The following DDX41 variants were observed in gnomAD, a reference collection of about 807,000 sequenced individuals.
DDX41 encodes the protein DEAD-box helicase 41, also known as probable ATP-dependent RNA helicase DDX41.
Under a neutral mutation model 78.8 loss-of-function variants are expected in DDX41, and 50 were observed. That is an observed-to-expected ratio of 0.63 (90% confidence interval 0.51 to 0.80). The LOEUF is 0.80. DDX41 is among the 30% of genes least tolerant of loss of function. DDX41 has a pLI of 0.00. For missense variants in DDX41, 633 were observed against 849.2 expected (o/e 0.75, Z 3.16); for synonymous variants, 381 against 321.5 (o/e 1.19, Z -1.98).
Position 177,511,691 on chromosome 5 carries a change from T to G in DDX41, c.*100A>C. 45 of 1,521,590 alleles carry G rather than the reference T, an allele frequency of 3.0e-5. No individual in the cohort carries two copies. Among genetic ancestry groups the G allele is most frequent in the Non-Finnish European group, 3.6e-5 (40 of 1,112,232 alleles). 94.3% of individuals were successfully genotyped at this position (1,521,590 alleles called of 1,614,324 possible). Reference sequence around the variant, plus strand: ...CCAGCCTGGCCCATCCCAGGCCAGCTGAGCTGAAATGCTGATTCTGTCCAG... The same window carrying G: ...CCAGCCTGGCCCATCCCAGGCCAGCGGAGCTGAAATGCTGATTCTGTCCAG... On this transcript the variant is annotated 3_prime_UTR_variant, in exon 17 of 17. Coordinates refer to ENST00000330503, the MANE Select transcript of DDX41 (RefSeq NM_016222.4).
Position 177,512,876 on chromosome 5 carries a change from C to T in DDX41, c.1303G>A (p.Val435Ile), listed in dbSNP as rs1458994357. ...GCCTTCTTCTCTGCAAAGATGAGTA[C>T]CTGTCCGGAAAGACCAACTCCAGTC... is the stretch of plus-strand genomic sequence containing the variant. ...LECLQKTPPP[V>I]LIFAEKKADV... The change falls in exon 13 of 17, where the codon GTA becomes ATA. Residue 435 changes from valine to isoleucine, a missense_variant and splice_region_variant. By Grantham distance (29) the Val-to-Ile change is conservative. Coordinates refer to ENST00000330503, the MANE Select transcript of DDX41 (RefSeq NM_016222.4). 3.1e-6 allele frequency: 5 copies of T among 1,613,844 alleles called. No individual in the cohort carries two copies. Among genetic ancestry groups the T allele is most frequent in the Non-Finnish European group, 4.2e-6 (5 of 1,179,948 alleles).
chr5:177,516,061 C>T (rs371305386), intron 4 of DDX41, 58 bp downstream of exon 4: 388 of 1,613,880 alleles, frequency 2.4e-4, no homozygotes, highest in Non-Finnish European at 3.2e-4. Flanking sequence ...TATAACATGC[C>T]TGGGGCTGGG....
intron 14 of DDX41, 43 bp from the exon 15 acceptor site, chr5:177,512,436 T>C (rs756108364): frequency 2.1e-5 from 34 of 1,613,950 alleles, no homozygotes; most frequent in Non-Finnish European, 2.8e-5. Context: ...CGCTGGACAC[T>C]AGGGGCCTGG....
chr5:177,513,611 A>G lies in DDX41; in HGVS notation c.1098+74T>C, dbSNP rs1761083849. 1 of 1,603,294 alleles carries G rather than the reference A, an allele frequency of 6.2e-7. No homozygotes were observed. Among genetic ancestry groups the G allele is most frequent in the Non-Finnish European group, 8.5e-7 (1 of 1,172,398 alleles). On this transcript the variant is annotated intron_variant, in intron 10 of 16. Transcript: ENST00000330503. The surrounding 1 kb of genome is among the most constrained non-coding windows in gnomAD (Gnocchi z 4.6). ...GCAGTGGGTTGGGGTGGCCAGGGGC[A>G]TGGGGTCCCTGCAGTCTGATGTGGC...
In DDX41 at chr5:177,513,607, GGGCAT is replaced by G; in HGVS notation, c.1098+73_1098+77del. On this transcript the variant is annotated intron_variant, in intron 10 of 16. Coordinates refer to ENST00000330503, the MANE Select transcript of DDX41 (RefSeq NM_016222.4). This position sits in a 1 kb window ranked among gnomAD's most constrained non-coding sequence, Gnocchi z 4.6. ...ATGAGCAGTGGGTTGGGGTGGCCAG[GGGCAT>G]GGGGTCCCTGCAGTCTGATGTGGCG... The G allele has an allele frequency of 6.2e-7, 1 of 1,604,222 alleles. No homozygotes were observed. The highest frequency in any genetic ancestry group is 8.5e-7 in the Non-Finnish European group (1 of 1,173,126).
In DDX41 at chr5:177,512,410, A is replaced by G. The variant is rs1160225071; in HGVS notation, c.1550-17T>C. On this transcript the variant is annotated splice_polypyrimidine_tract_variant and intron_variant, in intron 14 of 16. Coordinates refer to ENST00000330503, the MANE Select transcript of DDX41 (RefSeq NM_016222.4). ...TCCGGTGTACTGCAGAGAGAAGGAC[A>G]GAGTCTCTGGCCCATCGCTGGACAC... The G allele has an allele frequency of 6.2e-7, 1 of 1,614,084 alleles. No homozygotes were observed. The highest frequency in any genetic ancestry group is 8.5e-7 in the Non-Finnish European group (1 of 1,180,002).
At position 177,512,648 on chromosome 5, in the gene DDX41, G is replaced by GGGGA; in HGVS notation, c.1400-7_1400-4dup. 1 of 1,613,968 alleles carries GGGGA rather than the reference G, an allele frequency of 6.2e-7. No homozygotes were observed. Among genetic ancestry groups the GGGGA allele is most frequent in the Non-Finnish European group, 8.5e-7 (1 of 1,180,006 alleles). The stretch of plus-strand genomic sequence containing the variant: ...GGCCTTAGTCCGTTCCTCCTGGTCT[G>GGGGA]GGGAGGGTCAGGCAGACACTGTCAG... On this transcript the variant is annotated splice_polypyrimidine_tract_variant and splice_region_variant and intron_variant, in intron 13 of 16. Coordinates refer to ENST00000330503, the MANE Select transcript of DDX41 (RefSeq NM_016222.4).
At chr5:177,515,648 T>C in intron 6 of DDX41, 37 bp downstream of exon 6, 1 of 1,610,196 alleles carries the variant, frequency 6.2e-7, no homozygotes, top group Non-Finnish European at 8.5e-7. Context: ...GGCATTTGAT[T>C]ATAAAAGTGT....
In DDX41 at chr5:177,516,708, G is replaced by A. The variant is rs765095566; in HGVS notation, c.138+17C>T. Reference sequence around the variant, plus strand: ...CGCGGTCACGGCCCCATCCCTCCCCGGACGCGTGCCCCTCACCAGTAGCTG... The same window carrying A: ...CGCGGTCACGGCCCCATCCCTCCCCAGACGCGTGCCCCTCACCAGTAGCTG... On this transcript the variant is annotated intron_variant, in intron 2 of 16. Coordinates refer to ENST00000330503, the MANE Select transcript of DDX41 (RefSeq NM_016222.4). 69 of 1,572,980 alleles carry A rather than the reference G, an allele frequency of 4.4e-5. No homozygotes were observed. The highest frequency in any genetic ancestry group is 3.7e-4 in the Middle Eastern group (2 of 5,398).
intron 6 of DDX41, 32 bp from the exon 7 acceptor site, chr5:177,515,290 C>T: frequency 1.1e-5 from 17 of 1,611,372 alleles, no homozygotes; most frequent in Non-Finnish European, 1.4e-5. Flanking sequence ...GTCTTCATGA[C>T]TCACAGGTAC....
intron 6 of DDX41, 199 bp downstream of exon 6, chr5:177,515,486 C>T (rs1475902726): frequency 6.7e-6 from 6 of 891,344 alleles, no homozygotes; most frequent in Non-Finnish European, 1.1e-5. Context: ...GCACTTTCCT[C>T]CTGAAGCTTT....
In DDX41 at chr5:177,512,648, G is replaced by A; in HGVS notation, c.1400-3C>T. 6.2e-7 allele frequency: 1 copy of A among 1,613,968 alleles called. No homozygotes were observed. The highest frequency in any genetic ancestry group is 1.3e-5 in the African/African-American group (1 of 75,032). Reference sequence around the variant, plus strand: ...GGCCTTAGTCCGTTCCTCCTGGTCTGGGGAGGGTCAGGCAGACACTGTCAG... The same window carrying A: ...GGCCTTAGTCCGTTCCTCCTGGTCTAGGGAGGGTCAGGCAGACACTGTCAG... On this transcript the variant is annotated splice_region_variant and splice_polypyrimidine_tract_variant and intron_variant, in intron 13 of 16. Coordinates refer to ENST00000330503, the MANE Select transcript of DDX41 (RefSeq NM_016222.4).
chr5:177,515,671 C>T lies in DDX41; in HGVS notation c.571+14G>A, dbSNP rs1028594054. The T allele has an allele frequency of 6.2e-7, 1 of 1,613,578 alleles. No individual in the cohort carries two copies. The highest frequency in any genetic ancestry group is 1.3e-5 in the African/African-American group (1 of 75,054). On this transcript the variant is annotated intron_variant, in intron 6 of 16. Coordinates refer to ENST00000330503, the MANE Select transcript of DDX41 (RefSeq NM_016222.4). ...ATTATAAAAGTGTGGTATCTCTCTC[C>T]AGCCCCTGACTACCTGCAGGAAACT...
rs1761228136 is a variant in DDX41, at chr5:177,516,278, C to T, written c.298+10G>A. 1.9e-6 allele frequency: 3 copies of T among 1,614,030 alleles called. No homozygotes were observed. The highest frequency in any genetic ancestry group is 1.3e-5 in the African/African-American group (1 of 74,938). ...CTTCTTTCTCGCCCAGGCAGTGCTG[C>T]CCAGCCCACCTTCAGCCTTCTCTTT... On this transcript the variant is annotated intron_variant, in intron 3 of 16. Coordinates refer to ENST00000330503, the MANE Select transcript of DDX41 (RefSeq NM_016222.4).
Position 177,515,174 on chromosome 5 carries a change from G to A in DDX41, c.644+12C>T. ...CCTCCTCAAGGACCCCAGGTCCACA[G>A]TCCACACTCACATGGTGGGGATGCC... is the stretch of plus-strand genomic sequence containing the variant. On this transcript the variant is annotated intron_variant, in intron 7 of 16. Coordinates refer to ENST00000330503, the MANE Select transcript of DDX41 (RefSeq NM_016222.4). The A allele has an allele frequency of 1.2e-6, 2 of 1,613,990 alleles. No homozygotes were observed. The highest frequency in any genetic ancestry group is 8.5e-7 in the Non-Finnish European group (1 of 1,180,010).
rs1761207365 is a variant in DDX41, at chr5:177,515,937, G to C, written c.426C>G (p.Ile142Met). Residue 142 changes from isoleucine (I) to methionine (M), a missense_variant, in exon 5 of 17, where the codon ATC becomes ATG. Transcript: ENST00000330503. ...MAKGITYDDP[I>M]KTSWTPPRYV... ...AGACTGTACAGACATACCTGGTTTTGATGGGGTCATCATACGTAATGCCCT... is the reference window on the plus strand; with the variant it reads ...AGACTGTACAGACATACCTGGTTTTCATGGGGTCATCATACGTAATGCCCT... 1 of 1,614,172 alleles carries C rather than the reference G, an allele frequency of 6.2e-7. No homozygotes were observed. Among genetic ancestry groups the C allele is most frequent in the Non-Finnish European group, 8.5e-7 (1 of 1,180,028 alleles).
chr5:177,515,684 C>T lies in DDX41; in HGVS notation c.571+1G>A. 6.2e-7 allele frequency: 1 copy of T among 1,613,956 alleles called. No individual in the cohort carries two copies. The highest frequency in any genetic ancestry group is 8.5e-7 in the Non-Finnish European group (1 of 1,179,912). ...GGTATCTCTCTCCAGCCCCTGACTA[C>T]CTGCAGGAAACTTCATTTCCTTGAA... is the stretch of plus-strand genomic sequence containing the variant. On this transcript the variant is annotated splice_donor_variant, in intron 6 of 16. Transcript: ENST00000330503. LOFTEE classifies it high-confidence loss of function.
rs1335218198 is a variant in DDX41 at position 177,513,541 on chromosome 5, G to C, written c.1099-57C>G. On this transcript the variant is annotated intron_variant, in intron 10 of 16. Transcript: ENST00000330503. This position sits in a 1 kb window ranked among gnomAD's most constrained non-coding sequence, Gnocchi z 4.6. Reference sequence around the variant, plus strand: ...CACAGGGCTGGGCTGAGGGGCATGGGGTCTGGGGAAGCTGAGCAACTGAGA... The same window carrying C: ...CACAGGGCTGGGCTGAGGGGCATGGCGTCTGGGGAAGCTGAGCAACTGAGA... 1.9e-6 allele frequency: 3 copies of C among 1,612,972 alleles called. No individual in the cohort carries two copies. Among genetic ancestry groups the C allele is most frequent in the Non-Finnish European group, 2.5e-6 (3 of 1,179,406 alleles).
Position 177,516,906 on chromosome 5 carries a change from G to C in DDX41, c.27+13C>G, listed in dbSNP as rs763712095. ...CCCGCTCCCACACGCGCGGGGTCTC[G>C]CCTCTCTCCTACCTTCCGTTCGGGT... On this transcript the variant is annotated intron_variant, in intron 1 of 16. Coordinates refer to ENST00000330503, the MANE Select transcript of DDX41 (RefSeq NM_016222.4). 6.2e-6 allele frequency: 10 copies of C among 1,613,288 alleles called. 1 individual carries two copies. Among genetic ancestry groups the C allele is most frequent in the South Asian group, 3.3e-5 (3 of 91,084 alleles).
Sources: gnomAD v4.1 joint callset for allele counts on GRCh38, gnomAD v4.1.1 for gene constraint, Gnocchi (gnomAD v3.1) non-coding constraint, MANE v1.5 for transcripts, NCBI Gene and HGNC (gene_info 2026-07-23, HGNC 2026-07-21) for gene names.